NECAB1: variants seen among roughly 807,000 people sequenced by gnomAD.
The protein encoded by NECAB1 is N-terminal EF-hand calcium binding protein 1, also known as N-terminal EF-hand calcium-binding protein 1.
A neutral mutation model predicts 57.5 loss-of-function variants in NECAB1; 29 were observed. The ratio of observed to expected loss-of-function variants is 0.50; its 90% CI spans 0.38 to 0.69. The LOEUF (loss-of-function observed/expected upper bound fraction) is 0.69. Among genes scored for constraint, NECAB1 ranks in the 30% least tolerant of loss-of-function variants. The pLI is 0.00. For synonymous variants in NECAB1, 142 were observed against 147.7 expected, an observed-to-expected ratio of 0.96 and a Z score of 0.28; for missense variants, 372 against 413.8, an observed-to-expected ratio of 0.90 and a Z score of 0.88.
intron 6 of NECAB1, among the ~76,000 whole-genome samples, chr8:90,923,577 T>C (rs1810183863): frequency 6.6e-6 from 1 of 152,142 alleles, no homozygotes; most frequent in South Asian, 2.1e-4. Flanking sequence ...CCTTCTAAAA[T>C]GTATGGGGTC....
chr8:90,935,925 C>T (rs1810528076), intron 9 of NECAB1, among the ~76,000 whole-genome samples: 1 of 152,050 alleles, frequency 6.6e-6, no homozygotes, highest in South Asian at 2.1e-4. Flanking sequence ...TGTTTAAAAG[C>T]AGAAAAGGAT....
At chr8:90,936,045 A>G (rs1445488001) in intron 9 of NECAB1, among the ~76,000 whole-genome samples, 1 of 152,158 alleles carries the variant, frequency 6.6e-6, no homozygotes, top group Non-Finnish European at 1.5e-5. Context: ...GATATTTGTC[A>G]TTAAAAGTTG....
chr8:90,879,088 T>A lies in NECAB1; in HGVS notation c.260-1945T>A, dbSNP rs1256874793. Among the ~76,000 whole-genome samples the A allele has an allele frequency of 2.1e-5, 3 of 140,536 alleles. No individual in the cohort carries two copies. In the East Asian group the frequency reaches 5.9e-4, roughly 28 times the overall value. 92.2% of individuals were successfully genotyped at this position (140,536 alleles called of 152,430 possible). On this transcript the variant is annotated intron_variant, in intron 4 of 12. Coordinates refer to ENST00000417640, the MANE Select transcript of NECAB1 (RefSeq NM_022351.5). ...TATATATAATATATATTATATATAT[T>A]ATATATATAATATAGGTATCTATAT...
At chr8:90,852,551 G>A (rs1388853931) in intron 3 of NECAB1, among the ~76,000 whole-genome samples, 2 of 152,098 alleles carry the variant, frequency 1.3e-5, no homozygotes, top group African/African-American at 4.8e-5. Context: ...CCATTCAAAT[G>A]TTGCCTTTTC....
chr8:90,903,139 T>C (rs1809548647), intron 5 of NECAB1, among the ~76,000 whole-genome samples: 1 of 152,018 alleles, frequency 6.6e-6, no homozygotes, highest in African/African-American at 2.4e-5. Context: ...ATATTATAGA[T>C]ATTTCAATAG....
intron 1 of NECAB1, among the ~76,000 whole-genome samples, chr8:90,793,093 A>C (rs55997084): frequency 0.12 from 18,803 of 152,174 alleles, 1,806 homozygotes; most frequent in African/African-American, 0.27. Flanking sequence ...GAGATGGGCC[A>C]GAAGCCAGAT....
intron 3 of NECAB1, among the ~76,000 whole-genome samples, chr8:90,841,863 T>C (rs1812462122): frequency 6.6e-6 from 1 of 152,184 alleles, no homozygotes; most frequent in South Asian, 2.1e-4. Flanking sequence ...ATTTGGAGGC[T>C]TTAACAGTCA....
Position 90,951,170 on chromosome 8 carries a change from A to G in NECAB1, c.996A>G (p.Glu332=). 1.2e-6 allele frequency: 2 copies of G among 1,603,128 alleles called. No individual in the cohort carries two copies. Among genetic ancestry groups the G allele is most frequent in the Non-Finnish European group, 1.7e-6 (2 of 1,173,910 alleles). ...TFQRSNVDFL[E]TPELTSTMLV... ...AAAGAAGTAATGTGGATTTCTTGGA[A>G]ACTCCAGAACTCACATCTACAATGC... Residue 332 remains glutamate (E), a synonymous_variant, in exon 12 of 13, where the codon GAA becomes GAG. Transcript: ENST00000417640.
chr8:90,866,161 T>A (rs1054773989), intron 3 of NECAB1, among the ~76,000 whole-genome samples: 1 of 152,188 alleles, frequency 6.6e-6, no homozygotes, highest in African/African-American at 2.4e-5. Context: ...GCTCAACACA[T>A]TTGCCCTGTT....
chr8:90,937,362 G>C (rs1270042744), intron 9 of NECAB1, among the ~76,000 whole-genome samples: 1 of 152,112 alleles, frequency 6.6e-6, no homozygotes, highest in Non-Finnish European at 1.5e-5. Flanking sequence ...ATTATTATAG[G>C]AAAGTACAGA....
intron 10 of NECAB1, among the ~76,000 whole-genome samples, chr8:90,948,081 T>C (rs1241104029): frequency 3.9e-5 from 6 of 152,138 alleles, no homozygotes; most frequent in Admixed American, 2.0e-4. Flanking sequence ...CTTAAGAAAA[T>C]TGATATGGAT....
intron 3 of NECAB1, among the ~76,000 whole-genome samples, chr8:90,871,783 G>A (rs960048162): frequency 1.3e-5 from 2 of 152,146 alleles, no homozygotes; most frequent in African/African-American, 4.8e-5. Context: ...ACACAGAGAT[G>A]TAAAGTAGCC....
At chr8:90,886,958 T>C (rs180678983) in intron 5 of NECAB1, among the ~76,000 whole-genome samples, 1 of 152,326 alleles carries the variant, frequency 6.6e-6, no homozygotes, top group Non-Finnish European at 1.5e-5. Flanking sequence ...AATCAGGTCA[T>C]ATATATTTTA....
At chr8:90,954,093 A>C (rs1375287328) in intron 12 of NECAB1, among the ~76,000 whole-genome samples, 1 of 150,784 alleles carries the variant, frequency 6.6e-6, no homozygotes, top group East Asian at 1.9e-4. Context: ...TAAATAAATA[A>C]ATAAATAAAT....
chr8:90,927,135 TA>T (rs926532353), intron 7 of NECAB1, among the ~76,000 whole-genome samples: 1 of 150,994 alleles, frequency 6.6e-6, no homozygotes, highest in African/African-American at 2.4e-5. Flanking sequence ...TATTAGAATT[TA>T]AAAAAAACAT....
At chr8:90,842,200 G>T (rs975612496) in intron 3 of NECAB1, among the ~76,000 whole-genome samples, 1 of 152,078 alleles carries the variant, frequency 6.6e-6, no homozygotes, top group Non-Finnish European at 1.5e-5. Context: ...TAAAATAAAA[G>T]GTGGAAAATA....
Position 90,917,868 on chromosome 8 carries a change from A to ATG in NECAB1, c.494+241_494+242insGT, listed in dbSNP as rs1307227529. Among the ~76,000 whole-genome samples, 7 of 65,522 alleles carry ATG rather than the reference A, an allele frequency of 1.1e-4. 1 individual carries two copies. Among genetic ancestry groups the ATG allele is most frequent in the African/African-American group, 4.0e-4 (3 of 7,472 alleles). The allele number at this position is 65,522 out of a possible 152,430, so 43.0% of individuals were successfully genotyped here. ...TATATATATATATATATATATATAT[A>ATG]TATGTGTGTGTGTGCGTGTATATAT... On this transcript the variant is annotated intron_variant, in intron 6 of 12. Coordinates refer to ENST00000417640, the MANE Select transcript of NECAB1 (RefSeq NM_022351.5).
intron 3 of NECAB1, among the ~76,000 whole-genome samples, chr8:90,847,142 CTAGA>C (rs1260998736): frequency 1.3e-5 from 2 of 152,214 alleles, no homozygotes; most frequent in Non-Finnish European, 2.9e-5. Context: ...TAGTTACTTC[CTAGA>C]TAAAATGGGG....
intron 1 of NECAB1, among the ~76,000 whole-genome samples, chr8:90,797,186 C>G (rs1811676261): frequency 6.6e-6 from 1 of 152,164 alleles, no homozygotes; most frequent in African/African-American, 2.4e-5. Flanking sequence ...TAATCTGGGT[C>G]TCATTTTGCT....
Sources: allele counts gnomAD v4.1 joint callset (sites outside exome capture counted in the v4.1 genomes callset), GRCh38; gene constraint gnomAD v4.1.1; transcripts MANE v1.5; gene names NCBI Gene and HGNC (gene_info 2026-07-23, HGNC 2026-07-21).